Variants in TPST1 observed in about 807,000 individuals in gnomAD.
TPST1 encodes the protein protein-tyrosine sulfotransferase 1.
TPST1 carries 20 observed loss-of-function variants against 34.8 expected under a neutral mutation model. The observed-to-expected ratio is 0.57, with a 90% confidence interval of 0.40 to 0.84. The LOEUF (loss-of-function observed/expected upper bound fraction) is 0.84. TPST1 is among the 40% of genes least tolerant of loss of function. The pLI is 0.00. For missense variants in TPST1, 353 were observed against 455.5 expected (o/e 0.78, Z 2.05); for synonymous variants, 152 against 159.4 (o/e 0.95, Z 0.35).
rs66521537 is a variant in TPST1, at chr7:66,354,522, C to CAAAAAAAAAAAA, written c.1095+1985_1095+1996dup. Among the ~76,000 whole-genome samples, 10 of 60,792 alleles carry CAAAAAAAAAAAA rather than the reference C, an allele frequency of 1.6e-4. 1 individual carries two copies. Among genetic ancestry groups the CAAAAAAAAAAAA allele is most frequent in the East Asian group, 4.9e-4 (1 of 2,034 alleles). 39.9% of individuals were successfully genotyped at this position (60,792 alleles called of 152,430 possible). A position where few individuals can be genotyped will look rare whatever the true frequency, so the allele number is the denominator to read the frequency against. On this transcript the variant is annotated intron_variant, in intron 4 of 5. Coordinates refer to ENST00000304842, the MANE Select transcript of TPST1 (RefSeq NM_003596.4). ...TGGGTGACAGAGCGAGAGTCTGTCT[C>CAAAAAAAAAAAA]AAAAAAAAAAAAAAAAAAAAAAAAA...
intron 3 of TPST1, among the ~76,000 whole-genome samples, chr7:66,339,121 G>T (rs1356136334): frequency 6.6e-6 from 1 of 151,196 alleles, no homozygotes; most frequent in Non-Finnish European, 1.5e-5. Context: ...GTGGTGGGTG[G>T]GGGGAGAGAA....
At chr7:66,354,739 G>C (rs912170284) in intron 4 of TPST1, among the ~76,000 whole-genome samples, 2 of 152,086 alleles carry the variant, frequency 1.3e-5, no homozygotes, top group Non-Finnish European at 2.9e-5. Flanking sequence ...TGAGGCTCAC[G>C]CTTGTAATCC....
chr7:66,309,468 TACAAATGGGCAAAATCTAGC>T (rs1442276012), intron 3 of TPST1, among the ~76,000 whole-genome samples: 5 of 152,190 alleles, frequency 3.3e-5, no homozygotes, highest in Middle Eastern at 3.2e-3. Flanking sequence ...TTTCTGCAAG[TACAAATGGGCAAAATCTAGC>T]ACAATGACCC....
At chr7:66,285,823 A>T (rs1009748290) in intron 2 of TPST1, among the ~76,000 whole-genome samples, 2 of 152,194 alleles carry the variant, frequency 1.3e-5, no homozygotes, top group Admixed American at 1.3e-4. Flanking sequence ...GTAAATTTCC[A>T]TGTCAAGAGG....
intron 3 of TPST1, among the ~76,000 whole-genome samples, chr7:66,351,566 T>C (rs890140904): frequency 2.0e-5 from 3 of 152,154 alleles, no homozygotes; most frequent in African/African-American, 7.2e-5. Flanking sequence ...TCTGGTAGAA[T>C]AAGTTCTTCT....
In TPST1 at chr7:66,240,842, AGC is replaced by A. The variant is rs1386217914; in HGVS notation, c.418_419del (p.Ala140LeufsTer8). The A allele has an allele frequency of 1.3e-5, 21 of 1,614,200 alleles. No homozygotes were observed. The highest frequency in any genetic ancestry group is 1.8e-5 in the Non-Finnish European group (21 of 1,180,032). On this transcript the variant is annotated frameshift_variant, in exon 2 of 6. Transcript: ENST00000304842. LOFTEE classifies it high-confidence loss of function. Reference sequence around the variant, plus strand: ...ATGAAGTGCTGGATTCTGCCATGCAAGCCTTCTTACTAGAAATTATCGTTAAG... The same window carrying A: ...ATGAAGTGCTGGATTCTGCCATGCAACTTCTTACTAGAAATTATCGTTAAG... ...TDEVLDSAMQAFLLEIIVKHG... is the reference protein window; with the variant it reads ...TDEVLDSAMQXFLLEIIVKHG...
chr7:66,205,150 C>G (rs1419100015), upstream of TPST1: 1 of 152,284 alleles, frequency 6.6e-6, no homozygotes, highest in Non-Finnish European at 1.5e-5. The surrounding 1 kb of genome is among the most constrained non-coding windows in gnomAD (Gnocchi z 5.0). Context: ...CGACGTCAGA[C>G]CCCCGCCCCT....
intron 1 of TPST1, among the ~76,000 whole-genome samples, chr7:66,239,589 C>G (rs9986696): frequency 8.6e-5 from 13 of 152,042 alleles, no homozygotes; most frequent in African/African-American, 3.1e-4. Context: ...TCTATAATTT[C>G]TCATTGTTAG....
At chr7:66,212,963 C>T (rs1789296791) in intron 1 of TPST1, among the ~76,000 whole-genome samples, 1 of 152,070 alleles carries the variant, frequency 6.6e-6, no homozygotes, top group South Asian at 2.1e-4. Flanking sequence ...TAGGTAACAT[C>T]CTTTCTCCCC....
At chr7:66,237,545 G>C (rs1413922995) in intron 1 of TPST1, among the ~76,000 whole-genome samples, 1 of 152,050 alleles carries the variant, frequency 6.6e-6, no homozygotes, top group Non-Finnish European at 1.5e-5. Context: ...TATATTTACT[G>C]TATCCTTAGG....
chr7:66,249,341 A>G lies in TPST1; in HGVS notation c.845+8071A>G, dbSNP rs562497408. On this transcript the variant is annotated intron_variant, in intron 2 of 5. Coordinates refer to ENST00000304842, the MANE Select transcript of TPST1 (RefSeq NM_003596.4). ...ATTAACTACTGTCAAAGAAAAGCCA[A>G]GCACATCAAGGGAATTATGGTTGGT... Among the ~76,000 whole-genome samples, 5 of 152,324 alleles carry G rather than the reference A, an allele frequency of 3.3e-5. 1 individual carries two copies. In the South Asian group the frequency reaches 1.0e-3, roughly 32 times the overall value.
chr7:66,313,818 A>C (rs1791580640), intron 3 of TPST1, among the ~76,000 whole-genome samples: 1 of 151,984 alleles, frequency 6.6e-6, no homozygotes, highest in African/African-American at 2.4e-5. Context: ...AAAATATTTC[A>C]ATGTTGTTAG....
intron 3 of TPST1, among the ~76,000 whole-genome samples, chr7:66,340,329 A>T (rs1448825140): frequency 6.6e-6 from 1 of 152,206 alleles, no homozygotes; most frequent in East Asian, 1.9e-4. Context: ...TAAGATTAGG[A>T]ACAGACAAGG....
At chr7:66,281,945 A>G (rs1485116581) in intron 2 of TPST1, among the ~76,000 whole-genome samples, 1 of 152,202 alleles carries the variant, frequency 6.6e-6, no homozygotes, top group Non-Finnish European at 1.5e-5. Context: ...CGCCACTGTG[A>G]CTGCCACAGA....
At chr7:66,214,327 T>C (rs2116237943) in intron 1 of TPST1, among the ~76,000 whole-genome samples, 1 of 151,688 alleles carries the variant, frequency 6.6e-6, no homozygotes, top group Admixed American at 6.6e-5. Flanking sequence ...TATTTCATTT[T>C]TAGAGTAATA....
chr7:66,299,923 A>G (rs757408788), intron 3 of TPST1, among the ~76,000 whole-genome samples: 3 of 152,240 alleles, frequency 2.0e-5, no homozygotes, highest in Non-Finnish European at 2.9e-5. Flanking sequence ...AATAAAGTGA[A>G]TATCCCAATA....
chr7:66,355,896 C>G (rs746642739), intron 4 of TPST1, among the ~76,000 whole-genome samples: 1 of 127,176 alleles, frequency 7.9e-6, no homozygotes, highest in Non-Finnish European at 1.6e-5. Context: ...CAGAGCAAGA[C>G]TCCATCAAAA....
chr7:66,339,191 T>C (rs1417923263), intron 3 of TPST1, among the ~76,000 whole-genome samples: 1 of 151,826 alleles, frequency 6.6e-6, no homozygotes, highest in East Asian at 1.9e-4. Context: ...ACCACCGATA[T>C]ACAAAAAGAT....
Position 66,226,431 on chromosome 7 carries a change from A to G in TPST1, c.-101-13894A>G, listed in dbSNP as rs182547547. 2.3e-3 allele frequency among the ~76,000 whole-genome samples: 344 copies of G among 152,338 alleles called. 2 individuals carry two copies. The highest frequency in any genetic ancestry group is 7.9e-3 in the African/African-American group (327 of 41,584). On this transcript the variant is annotated intron_variant, in intron 1 of 5. Transcript: ENST00000304842. ...TACATCTATAAAATGAGAGCATTATACGTAGATGATCTAAAGACCCCTCTT... is the reference window on the plus strand; with the variant it reads ...TACATCTATAAAATGAGAGCATTATGCGTAGATGATCTAAAGACCCCTCTT...
Sources: allele counts gnomAD v4.1 joint callset (sites outside exome capture counted in the v4.1 genomes callset), GRCh38; gene constraint gnomAD v4.1.1; non-coding constraint Gnocchi (gnomAD v3.1); transcripts MANE v1.5; gene names NCBI Gene and HGNC (gene_info 2026-07-23, HGNC 2026-07-21).